The following PRMT7 variants were observed in gnomAD, a reference collection of about 807,000 sequenced individuals.
The protein encoded by PRMT7 is protein arginine methyltransferase 7, also known as protein arginine N-methyltransferase 7.
A neutral mutation model predicts 85.4 loss-of-function variants in PRMT7; 75 were observed. That is an observed-to-expected ratio of 0.88 (90% CI 0.73 to 1.06). The LOEUF (loss-of-function observed/expected upper bound fraction) is 1.06. Among genes scored for constraint, PRMT7 ranks in the 50% least tolerant of loss-of-function variants. The pLI, the probability that PRMT7 is intolerant of heterozygous loss-of-function variation, is 0.00. For synonymous variants in PRMT7, 397 were observed against 359.5 expected (o/e 1.10, Z -1.18); for missense variants, 868 against 915.2 (o/e 0.95, Z 0.67).
rs2086342101 is a variant in PRMT7, at chr16:68,346,228, G to A, written c.1139G>A (p.Gly380Glu). Residue 380 changes from glycine to glutamate, a missense_variant, in exon 11 of 19, where the codon GGA becomes GAA. By Grantham distance (98) the Gly-to-Glu change is moderately conservative (BLOSUM62 -2). Transcript: ENST00000441236. ...AHLLWNRPRF[G>E]EINDQDRTDR... ...CTGCTCTGGAACCGGCCTCGGTTTG[G>A]AGAGATCAATGACCAGGACAGAACT... 4 of 1,614,242 alleles carry A rather than the reference G, an allele frequency of 2.5e-6. No individual in the cohort carries two copies. The highest frequency in any genetic ancestry group is 3.4e-6 in the Non-Finnish European group (4 of 1,180,044).
chr16:68,326,180 C>A (rs1775963390), intron 5 of PRMT7, among the ~76,000 whole-genome samples: 1 of 151,948 alleles, frequency 6.6e-6, no homozygotes, highest in Non-Finnish European at 1.5e-5. Context: ...TGGGGGCAGG[C>A]AGGGAGCATG....
chr16:68,330,325 G>T (rs118132654), intron 6 of PRMT7, among the ~76,000 whole-genome samples: 2 of 152,038 alleles, frequency 1.3e-5, no homozygotes, highest in African/African-American at 2.4e-5. Flanking sequence ...AACACCATGG[G>T]TTTTTTCTAA....
intron 1 of PRMT7, 162 bp from the exon 2 acceptor site, chr16:68,311,880 G>A: frequency 6.6e-6 from 1 of 152,090 alleles, no homozygotes. Flanking sequence ...TGTATTTCTT[G>A]CATTCATGTA....
intron 9 of PRMT7, among the ~76,000 whole-genome samples, chr16:68,340,922 T>C (rs1427361009): frequency 1.3e-5 from 2 of 152,240 alleles, no homozygotes; most frequent in Admixed American, 1.3e-4. Context: ...GGTGGATTAT[T>C]ACCTGACACA....
At chr16:68,334,941 C>T (rs966067431) in intron 6 of PRMT7, among the ~76,000 whole-genome samples, 6 of 151,986 alleles carry the variant, frequency 3.9e-5, no homozygotes, top group African/African-American at 1.5e-4. Flanking sequence ...GGACTACAGG[C>T]GCGTGCTACT....
chr16:68,355,655 C>G, intron 16 of PRMT7, 68 bp from the exon 17 acceptor site: 1 of 1,401,584 alleles, frequency 7.1e-7, no homozygotes. Flanking sequence ...GGAGCCAAGC[C>G]GGGGAGCGGT....
At chr16:68,314,148 G>A (rs1014233778) in intron 2 of PRMT7, among the ~76,000 whole-genome samples, 4 of 152,184 alleles carry the variant, frequency 2.6e-5, no homozygotes, top group African/African-American at 7.2e-5. Flanking sequence ...TAGTAGTAGA[G>A]TTTTACCTGG....
rs529603563 is a variant in PRMT7, at chr16:68,322,539, T to C, written c.132+1077T>C. The C allele has an allele frequency of 1.7e-3, 516 of 305,452 alleles. 8 individuals carry two copies. Among genetic ancestry groups the C allele is most frequent in the South Asian group, 0.012 (498 of 39,964 alleles). 18.9% of individuals were successfully genotyped at this position (305,452 alleles called of 1,614,324 possible). On this transcript the variant is annotated intron_variant, in intron 4 of 18. Coordinates refer to ENST00000441236, the MANE Select transcript of PRMT7 (RefSeq NM_019023.5). ...CCATGTGTATATCTTTGTTCTAGTCTAGGGTTATGAACATAGGTGTGATTC... is the reference window on the plus strand; with the variant it reads ...CCATGTGTATATCTTTGTTCTAGTCCAGGGTTATGAACATAGGTGTGATTC...
intron 11 of PRMT7, 116 bp from the exon 12 acceptor site, chr16:68,347,095 A>C (rs1325207647): frequency 1.2e-6 from 1 of 865,278 alleles, no homozygotes; most frequent in Non-Finnish European, 1.8e-6. Flanking sequence ...ACGCAGGGGG[A>C]TGGTCTGAGG....
intron 9 of PRMT7, among the ~76,000 whole-genome samples, chr16:68,341,908 GCCT>G (rs1188814173): frequency 6.6e-6 from 1 of 152,208 alleles, no homozygotes; most frequent in Non-Finnish European, 1.5e-5. Flanking sequence ...GCAGAATTCA[GCCT>G]CCTCTCATCC....
intron 6 of PRMT7, among the ~76,000 whole-genome samples, chr16:68,331,401 TC>T (rs1490446160): frequency 6.6e-6 from 1 of 152,192 alleles, no homozygotes; most frequent in Non-Finnish European, 1.5e-5. Flanking sequence ...ACTGATCTTT[TC>T]TTTTGCAGCA....
Position 68,324,769 on chromosome 16 carries a change from T to G in PRMT7, c.219T>G (p.Thr73=). The G allele has an allele frequency of 6.2e-7, 1 of 1,614,066 alleles. No individual in the cohort carries two copies. ...AGGCCTTGGTTCTCGACATTGGCACTGGCACGGGACTCTTGTCAATGATGG... is the reference window on the plus strand; with the variant it reads ...AGGCCTTGGTTCTCGACATTGGCACGGGCACGGGACTCTTGTCAATGATGG... The part of the protein sequence containing the change: ...GQKALVLDIG[T]GTGLLSMMAV... Residue 73 remains threonine (T), a synonymous_variant, in exon 5 of 19, where the codon ACT becomes ACG. Coordinates refer to ENST00000441236, the MANE Select transcript of PRMT7 (RefSeq NM_019023.5).
intron 3 of PRMT7, among the ~76,000 whole-genome samples, chr16:68,316,388 A>C (rs972252337): frequency 1.3e-5 from 2 of 152,230 alleles, no homozygotes; most frequent in Non-Finnish European, 2.9e-5. Flanking sequence ...TGAAATGGTG[A>C]CATGTTCATC....
intron 5 of PRMT7, among the ~76,000 whole-genome samples, chr16:68,328,684 C>G (rs1187298312): frequency 6.6e-6 from 1 of 152,014 alleles, no homozygotes; most frequent in Non-Finnish European, 1.5e-5. Context: ...ATTTTGAGCC[C>G]AGAGGATGAC....
At chr16:68,324,573 T>C (rs1013754433) in intron 4 of PRMT7, 110 bp from the exon 5 acceptor site, 10 of 1,357,706 alleles carry the variant, frequency 7.4e-6, no homozygotes, top group South Asian at 2.6e-5. Context: ...AGAAAGGCCA[T>C]AGGGCCCTGA....
At chr16:68,338,834 A>AGAG (rs2085092835) in intron 7 of PRMT7, among the ~76,000 whole-genome samples, 2 of 152,080 alleles carry the variant, frequency 1.3e-5, no homozygotes, top group Admixed American at 6.5e-5. Context: ...AGTGGATGCA[A>AGAG]GAGGTAGGAG....
At chr16:68,350,776 T>C (rs983009701) in intron 14 of PRMT7, among the ~76,000 whole-genome samples, 1 of 152,236 alleles carries the variant, frequency 6.6e-6, no homozygotes, top group Non-Finnish European at 1.5e-5. Context: ...TTTCTGTCTT[T>C]AGCTTGCCCA....
At chr16:68,351,123 T>C (rs1277988610) in intron 14 of PRMT7, among the ~76,000 whole-genome samples, 2 of 152,198 alleles carry the variant, frequency 1.3e-5, no homozygotes, top group Admixed American at 6.5e-5. Flanking sequence ...CGGGGTCACA[T>C]TGAATTGGAG....
rs761523588 is a variant in PRMT7 at position 68,329,193 on chromosome 16, G to A, written c.391+19G>A. On this transcript the variant is annotated intron_variant, in intron 6 of 18. Transcript: ENST00000441236. ...GGTCCAGGTGAGATTTACACACCCT[G>A]TGTTGAAAGCTTTGCTTGCTCTTGT... 8.5e-6 allele frequency: 13 copies of A among 1,523,064 alleles called. No homozygotes were observed. The highest frequency in any genetic ancestry group is 1.7e-4 in the Middle Eastern group (1 of 5,914). 94.3% of individuals were successfully genotyped at this position (1,523,064 alleles called of 1,614,324 possible). A position where few individuals can be genotyped will look rare whatever the true frequency, so the allele number is the denominator to read the frequency against.
Sources: allele counts gnomAD v4.1 joint callset (sites outside exome capture counted in the v4.1 genomes callset), GRCh38; gene constraint gnomAD v4.1.1; transcripts MANE v1.5; gene names NCBI Gene and HGNC (gene_info 2026-07-23, HGNC 2026-07-21).